Variants in GNAO1 observed in about 807,000 individuals in gnomAD.
GNAO1 encodes the protein guanine nucleotide-binding protein G(o) subunit alpha.
For synonymous variants in GNAO1, 164 were observed against 180.7 expected (o/e 0.91, Z 0.74); for missense variants, 166 against 478.7 (o/e 0.35, Z 6.10).
intron 6 of GNAO1, chr16:56,345,346 A>C (rs2037855681): frequency 1.0e-6 from 1 of 985,336 alleles, no homozygotes; most frequent in Non-Finnish European, 1.2e-6. Context: ...CTCCCTCCTC[A>C]AGCCCTCTGT....
rs558586927 is a variant in GNAO1, at chr16:56,253,362, C to G, written c.162-22569C>G. The stretch of plus-strand genomic sequence containing the variant: ...CTGGGTTGGAGCCCCAGCCCGGCTA[C>G]TTGCTGGCCTGTGACCTTGAGCAGG... On this transcript the variant is annotated intron_variant, in intron 2 of 8. Coordinates refer to ENST00000262493, the MANE Select transcript of GNAO1 (RefSeq NM_020988.3). Among the ~76,000 whole-genome samples, 8 of 152,354 alleles carry G rather than the reference C, an allele frequency of 5.3e-5. No homozygotes were observed. In the East Asian group the frequency reaches 1.5e-3, roughly 29 times the overall value.
At chr16:56,330,065 G>A (rs1475822667) in intron 4 of GNAO1, among the ~76,000 whole-genome samples, 2 of 152,236 alleles carry the variant, frequency 1.3e-5, no homozygotes, top group Non-Finnish European at 2.9e-5. Flanking sequence ...ACAGACTAGG[G>A]ACTTGAGCAA....
chr16:56,227,555 G>T (rs1043619459), intron 2 of GNAO1, among the ~76,000 whole-genome samples: 2 of 152,002 alleles, frequency 1.3e-5, no homozygotes, highest in Non-Finnish European at 2.9e-5. Flanking sequence ...AGGCACAGTG[G>T]CTCATGCCTG....
rs1352218967 is a variant in GNAO1, at chr16:56,356,788, C to G, written c.*714C>G. 8.1e-6 allele frequency: 1 copy of G among 124,196 alleles called. No individual in the cohort carries two copies. Among genetic ancestry groups the G allele is most frequent in the Admixed American group, 8.1e-5 (1 of 12,386 alleles). 7.7% of individuals were successfully genotyped at this position (124,196 alleles called of 1,614,324 possible). On this transcript the variant is annotated 3_prime_UTR_variant, in exon 9 of 9. Transcript: ENST00000262493. ...TTTTTGGTTCCTTTTTTTTTTTTTT[C>G]AGTTTTTGTTTTTACTTTTGTCCCG... is the stretch of plus-strand genomic sequence containing the variant.
At chr16:56,278,002 T>C (rs2037079379) in intron 3 of GNAO1, among the ~76,000 whole-genome samples, 1 of 152,208 alleles carries the variant, frequency 6.6e-6, no homozygotes, top group African/African-American at 2.4e-5. Flanking sequence ...GATTTTTTTT[T>C]CCATTTTATT....
At chr16:56,348,202 G>C in intron 6 of GNAO1, 2 of 984,654 alleles carry the variant, frequency 2.0e-6, no homozygotes, top group Non-Finnish European at 2.4e-6. Context: ...CTTTCCTAGC[G>C]TGAGTGTGAT....
rs1390337290 is a variant in GNAO1, at chr16:56,191,964, C to G, written c.-272C>G. The stretch of plus-strand genomic sequence containing the variant: ...CTCCTCGGCCCGCGGGCGCCTCCTC[C>G]CTTGGCTCCGGAGCCCCAGACCCCG... On this transcript the variant is annotated 5_prime_UTR_variant, in exon 1 of 9. Transcript: ENST00000262493. The surrounding 1 kb of genome is among the most constrained non-coding windows in gnomAD (Gnocchi z 4.7). 4.8e-5 allele frequency: 25 copies of G among 517,406 alleles called. No homozygotes were observed. The East Asian group carries it at 8.1e-4, about 17-fold the overall frequency. The allele number at this position is 517,406 out of a possible 1,614,324, so 32.1% of individuals were successfully genotyped here.
chr16:56,334,882 C>T (rs377159151), intron 5 of GNAO1, 25 bp downstream of exon 5: 83 of 1,612,654 alleles, frequency 5.1e-5, no homozygotes, highest in Middle Eastern at 3.3e-4. Flanking sequence ...GGCCCCCAGG[C>T]CCTGGCGAGG....
intron 7 of GNAO1, chr16:56,352,753 A>G (rs1596882507): frequency 6.6e-6 from 1 of 152,410 alleles, no homozygotes; most frequent in East Asian, 1.9e-4. Flanking sequence ...GGTCCGTGCT[A>G]ATGTGAATTT....
intron 2 of GNAO1, among the ~76,000 whole-genome samples, chr16:56,234,316 T>C (rs2036617402): frequency 6.6e-6 from 1 of 152,258 alleles, no homozygotes; most frequent in African/African-American, 2.4e-5. Flanking sequence ...GCCAGCCTCA[T>C]GGCCTTGGCC....
intron 3 of GNAO1, chr16:56,301,150 A>G (rs1429369949): frequency 6.6e-6 from 1 of 152,288 alleles, no homozygotes; most frequent in East Asian, 1.9e-4. Context: ...GACAGAGGAT[A>G]CCGGTGAACA....
chr16:56,200,921 G>C (rs1438942206), intron 2 of GNAO1, among the ~76,000 whole-genome samples: 2 of 152,216 alleles, frequency 1.3e-5, no homozygotes, highest in Non-Finnish European at 2.9e-5. Context: ...CAGAGAGAAG[G>C]CTCTGGCTTT....
At chr16:56,195,111 C>G (rs1281676218) in intron 2 of GNAO1, among the ~76,000 whole-genome samples, 2 of 139,118 alleles carry the variant, frequency 1.4e-5, no homozygotes, top group Non-Finnish European at 3.0e-5. Context: ...TACAGGACAC[C>G]TTTTTCAAGA....
At chr16:56,337,682 G>T (rs541372565) in intron 6 of GNAO1, among the ~76,000 whole-genome samples, 2 of 151,036 alleles carry the variant, frequency 1.3e-5, no homozygotes, top group Non-Finnish European at 2.9e-5. Flanking sequence ...TTGGCAGTGG[G>T]GTGGGTGATG....
Position 56,235,477 on chromosome 16 carries a change from C to T in GNAO1, c.162-40454C>T, listed in dbSNP as rs1213484682. 4.6e-5 allele frequency: 21 copies of T among 451,968 alleles called. No individual in the cohort carries two copies. In the Admixed American group the frequency reaches 5.0e-4, roughly 11 times the overall value. 28.0% of individuals were successfully genotyped at this position (451,968 alleles called of 1,614,324 possible). On this transcript the variant is annotated intron_variant, in intron 2 of 8. Transcript: ENST00000262493. ...TGCAGCCTGTGCCTGTCTACCATTT[C>T]CCTTTGGCTCCTGGCACCTGCCTGG...
chr16:56,290,221 C>G (rs1243186400), intron 3 of GNAO1, among the ~76,000 whole-genome samples: 1 of 152,210 alleles, frequency 6.6e-6, no homozygotes, highest in African/African-American at 2.4e-5. Context: ...TCCGAATAGG[C>G]TGGGCCTCTT....
rs748556984 is a variant in GNAO1 at position 56,351,345 on chromosome 16, C to A, written c.724-39C>A. ...CTTTCCCTGTCTCTGTGTCTCCCTCCCGCTGTCTGTCCTCTCTCCTCCCTT... is the reference window on the plus strand; with the variant it reads ...CTTTCCCTGTCTCTGTGTCTCCCTCACGCTGTCTGTCCTCTCTCCTCCCTT... On this transcript the variant is annotated intron_variant, in intron 6 of 8. Transcript: ENST00000262493. The surrounding 1 kb of genome is among the most constrained non-coding windows in gnomAD (Gnocchi z 6.1). 1.3e-6 allele frequency: 2 copies of A among 1,526,202 alleles called. No homozygotes were observed. The highest frequency in any genetic ancestry group is 3.4e-5 in the Admixed American group (2 of 58,918). The allele number at this position is 1,526,202 out of a possible 1,614,324, so 94.5% of individuals were successfully genotyped here. A position where few individuals can be genotyped will look rare whatever the true frequency, so the allele number is the denominator to read the frequency against.
chr16:56,195,396 G>A (rs1159112703), intron 2 of GNAO1, among the ~76,000 whole-genome samples: 2 of 152,224 alleles, frequency 1.3e-5, no homozygotes, highest in African/African-American at 4.8e-5. Flanking sequence ...ACCACAAAAT[G>A]TGGGATTGGT....
At chr16:56,353,642 C>T (rs1240668929) in intron 7 of GNAO1, 1 of 152,336 alleles carries the variant, frequency 6.6e-6, no homozygotes, top group East Asian at 1.9e-4. Flanking sequence ...ACCTGGACGG[C>T]TTCCTGTGGC....
Sources: allele counts gnomAD v4.1 joint callset (sites outside exome capture counted in the v4.1 genomes callset), GRCh38; gene constraint gnomAD v4.1.1; non-coding constraint Gnocchi (gnomAD v3.1); transcripts MANE v1.5; gene names NCBI Gene and HGNC (gene_info 2026-07-23, HGNC 2026-07-21).